Variants in GRIN2B observed in about 807,000 individuals in gnomAD.
GRIN2B encodes the protein glutamate receptor ionotropic, NMDA 2B.
Under a neutral mutation model 114.5 loss-of-function variants are expected in GRIN2B, and 5 were observed. The ratio of observed to expected loss-of-function variants is 0.04; its 90% CI spans 0.02 to 0.09. The LOEUF (loss-of-function observed/expected upper bound fraction) is 0.09, where lower values mean the gene tolerates loss of function less well. GRIN2B is among the 10% of genes least tolerant of loss of function. The probability of loss-of-function intolerance (pLI) is 1.00; values close to 1 mark genes in which losing one functional copy is unlikely to be tolerated. For synonymous variants in GRIN2B, 787 were observed against 745.1 expected (o/e 1.06, Z -0.92); for missense variants, 1,108 against 1,943.5 (o/e 0.57, Z 8.08).
chr12:13,945,745 T>C (rs986659640), intron 2 of GRIN2B, among the ~76,000 whole-genome samples: 2 of 152,172 alleles, frequency 1.3e-5, no homozygotes, highest in African/African-American at 4.8e-5. Context: ...TAACCCCAGC[T>C]GAAGTCTGTG....
intron 3 of GRIN2B, among the ~76,000 whole-genome samples, chr12:13,814,560 C>T (rs1054820558): frequency 2.0e-5 from 3 of 152,188 alleles, no homozygotes; most frequent in Admixed American, 2.0e-4. Flanking sequence ...ATTTTCTCCA[C>T]CATTACAGAT....
chr12:13,564,127 G>T lies in GRIN2B; in HGVS notation c.3111C>A (p.Asp1037Glu), dbSNP rs754878801. 3 of 1,614,178 alleles carry T rather than the reference G, an allele frequency of 1.9e-6. No homozygotes were observed. The highest frequency in any genetic ancestry group is 2.2e-5 in the East Asian group (1 of 44,850). ...LPSSKHSQLS[D>E]LYGKFSFKSD... ...TCTTGAAGGAGAATTTGCCGTACAG[G>T]TCACTGAGCTGGCTGTGCTTGGAGG... The change falls in exon 14 of 14, where the codon GAC (aspartate) becomes GAA (glutamate). Residue 1037 changes from aspartate to glutamate, a missense_variant. Transcript: ENST00000609686. The surrounding 1 kb of genome is among the most constrained non-coding windows in gnomAD (Gnocchi z 4.8).
At position 13,562,777 on chromosome 12, in the gene GRIN2B, C is replaced by A. The variant is rs201107419; in HGVS notation, c.*6G>T. On this transcript the variant is annotated 3_prime_UTR_variant, in exon 14 of 14. Transcript: ENST00000609686. ...CGTACCCACCTTAACCTCTCTGTTC[C>A]CTCACTCAGACATCAGACTCAATAC... The A allele has an allele frequency of 1.9e-5, 31 of 1,611,598 alleles. No homozygotes were observed. The South Asian group carries it at 3.4e-4, about 18-fold the overall frequency.
intron 10 of GRIN2B, among the ~76,000 whole-genome samples, chr12:13,594,224 C>T (rs1399164119): frequency 1.3e-5 from 2 of 152,136 alleles, no homozygotes; most frequent in African/African-American, 4.8e-5. Flanking sequence ...CACATGCACA[C>T]CTATGTTTAT....
chr12:13,882,550 G>C (rs1866087636), intron 2 of GRIN2B, among the ~76,000 whole-genome samples: 1 of 152,108 alleles, frequency 6.6e-6, no homozygotes, highest in Non-Finnish European at 1.5e-5. Context: ...CTGAACCTCA[G>C]AGAGGCTCAT....
chr12:13,963,544 C>T (rs1019168498), intron 2 of GRIN2B, among the ~76,000 whole-genome samples: 2 of 152,222 alleles, frequency 1.3e-5, no homozygotes, highest in African/African-American at 4.8e-5. Context: ...AGGCAGAGAG[C>T]TCAGTTCCAG....
intron 4 of GRIN2B, among the ~76,000 whole-genome samples, chr12:13,738,871 T>C (rs1863228865): frequency 2.0e-5 from 3 of 152,178 alleles, no homozygotes; most frequent in Non-Finnish European, 4.4e-5. Flanking sequence ...GAATGTGTGC[T>C]GGGTGGGGCC....
intron 5 of GRIN2B, among the ~76,000 whole-genome samples, chr12:13,672,667 C>T (rs1314202489): frequency 1.3e-5 from 2 of 152,166 alleles, no homozygotes; most frequent in Non-Finnish European, 2.9e-5. Flanking sequence ...GAACACTAGA[C>T]ATCTATCTTC....
At chr12:13,707,755 GA>G (rs928023132) in intron 4 of GRIN2B, among the ~76,000 whole-genome samples, 9 of 150,512 alleles carry the variant, frequency 6.0e-5, no homozygotes, top group East Asian at 3.9e-4. Context: ...CAGTAAAATT[GA>G]AAAAAAAATT....
intron 3 of GRIN2B, among the ~76,000 whole-genome samples, chr12:13,855,480 T>G (rs1218585782): frequency 6.6e-6 from 1 of 152,154 alleles, no homozygotes; most frequent in East Asian, 1.9e-4. Context: ...AAATGTATTC[T>G]CTCACAGTTC....
chr12:13,972,873 G>T (rs1369705205), intron 2 of GRIN2B, among the ~76,000 whole-genome samples: 2 of 152,156 alleles, frequency 1.3e-5, no homozygotes, highest in Non-Finnish European at 2.9e-5. Context: ...ACTATATTTG[G>T]TAGGTAAGTC....
chr12:13,852,711 C>G (rs200848619), intron 3 of GRIN2B, among the ~76,000 whole-genome samples: 1 of 112,388 alleles, frequency 8.9e-6, no homozygotes, highest in African/African-American at 3.8e-5. Context: ...AAAAAAAAAA[C>G]AGATCACAGA....
intron 3 of GRIN2B, among the ~76,000 whole-genome samples, chr12:13,771,846 T>G (rs1366160498): frequency 2.0e-5 from 3 of 152,228 alleles, no homozygotes; most frequent in Non-Finnish European, 4.4e-5. Flanking sequence ...ATCAGTCATA[T>G]CTGATCAAAA....
chr12:13,932,653 C>A (rs186586488), intron 2 of GRIN2B, among the ~76,000 whole-genome samples: 1 of 152,072 alleles, frequency 6.6e-6, no homozygotes, highest in South Asian at 2.1e-4. Flanking sequence ...TTCTATGATG[C>A]CTACCCTAAA....
At position 13,548,067 on chromosome 12, in the gene GRIN2B, G is replaced by T. The variant is rs1471698861; in HGVS notation, c.*14716C>A. 1 of 147,952 alleles carries T rather than the reference G, an allele frequency of 6.8e-6. No homozygotes were observed. The highest frequency in any genetic ancestry group is 1.5e-5 in the Non-Finnish European group (1 of 67,278). The allele number at this position is 147,952 out of a possible 1,614,324, so 9.2% of individuals were successfully genotyped here. Reference sequence around the variant, plus strand: ...GCCAATGATCAAATAGAGAAGTCTAGCTTGGAAATAAATCAAAACCATCAG... The same window carrying T: ...GCCAATGATCAAATAGAGAAGTCTATCTTGGAAATAAATCAAAACCATCAG... On this transcript the variant is annotated 3_prime_UTR_variant, in exon 14 of 14. Transcript: ENST00000609686.
intron 4 of GRIN2B, among the ~76,000 whole-genome samples, chr12:13,687,476 A>G (rs897566374): frequency 6.6e-6 from 1 of 152,156 alleles, no homozygotes; most frequent in Non-Finnish European, 1.5e-5. Context: ...AGATGCATTC[A>G]CAGCCATAAC....
At chr12:13,654,471 C>G (rs1324550735) in intron 5 of GRIN2B, among the ~76,000 whole-genome samples, 1 of 152,090 alleles carries the variant, frequency 6.6e-6, no homozygotes, top group Non-Finnish European at 1.5e-5. Flanking sequence ...TTTAAGAAAC[C>G]CATTGCTGAC....
At chr12:13,592,623 A>T (rs1367143447) in intron 10 of GRIN2B, among the ~76,000 whole-genome samples, 21 of 152,198 alleles carry the variant, frequency 1.4e-4, no homozygotes, top group Admixed American at 1.4e-3. Flanking sequence ...ATTGGAGGAA[A>T]GGAAAATGAA....
intron 2 of GRIN2B, among the ~76,000 whole-genome samples, chr12:13,894,411 T>C (rs1426843647): frequency 6.6e-6 from 1 of 152,102 alleles, no homozygotes; most frequent in East Asian, 1.9e-4. Flanking sequence ...AAAAATTATG[T>C]TTACCAAGAG....
Sources: gnomAD v4.1 joint callset for allele counts (sites outside exome capture counted in the v4.1 genomes callset) on GRCh38, gnomAD v4.1.1 for gene constraint, Gnocchi (gnomAD v3.1) non-coding constraint, MANE v1.5 for transcripts, NCBI Gene and HGNC (gene_info 2026-07-23, HGNC 2026-07-21) for gene names.